The following CLINT1 variants were observed in gnomAD, a reference collection of about 807,000 sequenced individuals.
The protein encoded by CLINT1 is clathrin interacting protein localized in the trans-Golgi region.
A neutral mutation model predicts 70.4 loss-of-function variants in CLINT1; 15 were observed. The observed-to-expected ratio is 0.21, with a 90% confidence interval of 0.14 to 0.33. The LOEUF is 0.33. CLINT1 is among the 10% of genes least tolerant of loss of function. The pLI is 1.00. For missense variants in CLINT1, 615 were observed against 778.1 expected, an observed-to-expected ratio of 0.79 and a Z score of 2.49; for synonymous variants, 227 against 254.7, an observed-to-expected ratio of 0.89 and a Z score of 1.04.
chr5:157,826,067 GGA>G (rs1763026604), intron 1 of CLINT1, among the ~76,000 whole-genome samples: 1 of 152,098 alleles, frequency 6.6e-6, no homozygotes, highest in Non-Finnish European at 1.5e-5. Context: ...GAGGAAGAAG[GGA>G]GAGGAGGAAG....
At chr5:157,823,535 CCA>C (rs1762939131) in intron 1 of CLINT1, among the ~76,000 whole-genome samples, 1 of 151,928 alleles carries the variant, frequency 6.6e-6, no homozygotes, top group Non-Finnish European at 1.5e-5. Context: ...GTATGCAAAA[CCA>C]CAGAGAACAA....
At chr5:157,798,546 G>T (rs1341446990) in intron 8 of CLINT1, among the ~76,000 whole-genome samples, 2 of 151,960 alleles carry the variant, frequency 1.3e-5, no homozygotes, top group Non-Finnish European at 2.9e-5. Flanking sequence ...TTTGCATGAA[G>T]AATTTACACA....
chr5:157,810,788 G>C (rs1303314332), intron 5 of CLINT1, among the ~76,000 whole-genome samples: 1 of 152,142 alleles, frequency 6.6e-6, no homozygotes, highest in Non-Finnish European at 1.5e-5. Context: ...AGGACAATGA[G>C]AAACAACAAA....
intron 7 of CLINT1, among the ~76,000 whole-genome samples, chr5:157,804,108 C>G (rs1433209706): frequency 6.6e-6 from 1 of 151,042 alleles, no homozygotes; most frequent in Non-Finnish European, 1.5e-5. Context: ...TCATAATTGC[C>G]CAGGTATAAA....
In CLINT1 at chr5:157,791,842, G is replaced by C; in HGVS notation, c.1241C>G (p.Pro414Arg). ...GTCTGAAGAATTTGAGGCAGCAGGAGGTGGGCCTAGAGCTGATTGTGAGCC... is the reference window on the plus strand; with the variant it reads ...GTCTGAAGAATTTGAGGCAGCAGGACGTGGGCCTAGAGCTGATTGTGAGCC... ...VSGSQSALGP[P>R]PAASNSSDLF... Residue 414 changes from proline to arginine, a missense_variant, in exon 10 of 12, where the codon CCT (proline) becomes CGT (arginine). Pro to Arg is a moderately radical substitution (Grantham distance 103). Transcript: ENST00000411809. 1 of 1,613,992 alleles carries C rather than the reference G, an allele frequency of 6.2e-7. No homozygotes were observed. The highest frequency in any genetic ancestry group is 8.5e-7 in the Non-Finnish European group (1 of 1,179,878).
rs1020146600 is a variant in CLINT1, at chr5:157,786,822, A to G, written c.*824T>C. On this transcript the variant is annotated 3_prime_UTR_variant, in exon 12 of 12. Coordinates refer to ENST00000411809, the MANE Select transcript of CLINT1 (RefSeq NM_014666.4). ...ACTGTTCCTGACTTAAATGATGGCT[A>G]CAGGGATAAACACGGAAGGAAGCCT... 2 of 152,228 alleles carry G rather than the reference A, an allele frequency of 1.3e-5. No homozygotes were observed. Among genetic ancestry groups the G allele is most frequent in the Non-Finnish European group, 2.9e-5 (2 of 68,016 alleles). The allele number at this position is 152,228 out of a possible 1,614,324, so 9.4% of individuals were successfully genotyped here.
intron 6 of CLINT1, 25 bp from the exon 7 acceptor site, chr5:157,806,137 A>C: frequency 6.2e-7 from 1 of 1,608,348 alleles, no homozygotes; most frequent in Non-Finnish European, 8.5e-7. Context: ...AAATGAAGCA[A>C]AATAATAAGA....
intron 1 of CLINT1, among the ~76,000 whole-genome samples, chr5:157,829,975 G>T (rs932938953): frequency 6.6e-6 from 1 of 151,634 alleles, no homozygotes; most frequent in African/African-American, 2.4e-5. Flanking sequence ...TAGAGACAGG[G>T]TCTTGCTCTG....
chr5:157,790,912 T>C (rs956403489), intron 10 of CLINT1, among the ~76,000 whole-genome samples: 4 of 152,240 alleles, frequency 2.6e-5, no homozygotes, highest in African/African-American at 9.6e-5. Context: ...AGGTCCAGAA[T>C]TGGGAAGAAC....
intron 7 of CLINT1, among the ~76,000 whole-genome samples, chr5:157,804,958 T>A (rs1017630166): frequency 7.6e-6 from 1 of 130,800 alleles, no homozygotes; most frequent in Non-Finnish European, 1.7e-5. Flanking sequence ...AGAAAAAGCT[T>A]GTACTACAAA....
intron 1 of CLINT1, among the ~76,000 whole-genome samples, chr5:157,838,413 G>C (rs768227162): frequency 1.3e-5 from 2 of 152,146 alleles, no homozygotes; most frequent in African/African-American, 2.4e-5. Context: ...GTGAGCCACA[G>C]CATCCAGCCT....
intron 1 of CLINT1, among the ~76,000 whole-genome samples, chr5:157,834,351 C>A (rs938798638): frequency 1.3e-5 from 2 of 148,182 alleles, no homozygotes; most frequent in African/African-American, 5.1e-5. Flanking sequence ...CCAGCCTGGG[C>A]AACAGAGCGA....
chr5:157,820,328 G>A (rs1762842390), intron 1 of CLINT1, among the ~76,000 whole-genome samples: 1 of 152,000 alleles, frequency 6.6e-6, no homozygotes, highest in Non-Finnish European at 1.5e-5. Context: ...GTGTACCTGT[G>A]GTCCCAGCTT....
intron 1 of CLINT1, among the ~76,000 whole-genome samples, chr5:157,836,013 AATTT>A (rs1763409446): frequency 6.6e-6 from 1 of 152,214 alleles, no homozygotes; most frequent in Admixed American, 6.5e-5. Flanking sequence ...TTATATAGAC[AATTT>A]TCACTTTTCT....
At chr5:157,819,116 T>C (rs1355669026) in intron 1 of CLINT1, among the ~76,000 whole-genome samples, 2 of 152,172 alleles carry the variant, frequency 1.3e-5, no homozygotes, top group Non-Finnish European at 2.9e-5. Context: ...TAAATATAAA[T>C]TTCAAATTTA....
chr5:157,851,124 C>T (rs1753558726), intron 1 of CLINT1, among the ~76,000 whole-genome samples: 1 of 150,450 alleles, frequency 6.6e-6, no homozygotes, highest in South Asian at 2.1e-4. Context: ...ACTAAAAATG[C>T]ATGAAAACAA....
chr5:157,823,688 A>T, intron 1 of CLINT1: 1 of 550,490 alleles, frequency 1.8e-6, no homozygotes, highest in Non-Finnish European at 2.3e-6. Context: ...TTTATAAATT[A>T]AATGCTCTTA....
At chr5:157,793,003 C>G (rs1234261449) in intron 9 of CLINT1, among the ~76,000 whole-genome samples, 1 of 152,096 alleles carries the variant, frequency 6.6e-6, no homozygotes, top group Non-Finnish European at 1.5e-5. Context: ...AGTGACCAAC[C>G]ACTACAATAC....
At chr5:157,834,335 C>G (rs530963712) in intron 1 of CLINT1, among the ~76,000 whole-genome samples, 1 of 151,684 alleles carries the variant, frequency 6.6e-6, no homozygotes, top group South Asian at 2.1e-4. Flanking sequence ...ACTGCGCCAC[C>G]GCACTCCAGC....
Sources: allele counts gnomAD v4.1 joint callset (sites outside exome capture counted in the v4.1 genomes callset), GRCh38; gene constraint gnomAD v4.1.1; transcripts MANE v1.5; gene names NCBI Gene and HGNC (gene_info 2026-07-23, HGNC 2026-07-21).